The following SMIM35 variants were observed in gnomAD, a reference collection of about 807,000 sequenced individuals.
The protein encoded by SMIM35 is small integral membrane protein 35, also known as TMPRSS4 antisense RNA 1 (non-protein coding).
At chr11:118,063,751 T>C (rs1386728263) in intron 1 of SMIM35, among the ~76,000 whole-genome samples, 4 of 152,124 alleles carry the variant, frequency 2.6e-5, no homozygotes, top group Non-Finnish European at 4.4e-5. Context: ...GAAGTCTCCA[T>C]AAAAGCCTAA....
intron 3 of SMIM35, among the ~76,000 whole-genome samples, chr11:118,014,129 T>C (rs1022106692): frequency 1.3e-5 from 2 of 152,204 alleles, no homozygotes; most frequent in Non-Finnish European, 2.9e-5. Context: ...GATATGCTCT[T>C]CTTTCTGATA....
In SMIM35 at chr11:118,005,476, T is replaced by C. The variant is rs1285576723; in HGVS notation, c.*934A>G. 5.3e-5 allele frequency: 8 copies of C among 152,266 alleles called. No homozygotes were observed. Among genetic ancestry groups the C allele is most frequent in the African/African-American group, 1.9e-4 (8 of 41,436 alleles). 9.4% of individuals were successfully genotyped at this position (152,266 alleles called of 1,614,324 possible). A position where few individuals can be genotyped will look rare whatever the true frequency, so the allele number is the denominator to read the frequency against. On this transcript the variant is annotated 3_prime_UTR_variant, in exon 5 of 5. Coordinates refer to ENST00000689828, the MANE Select transcript of SMIM35 (RefSeq NM_001394165.1). ...CTCTCCAGAACTCTATCCAGCTGCC[T>C]CATCAGCAGCTCCGTCCAGCATACA...
In SMIM35 at chr11:118,009,266, G is replaced by A. The variant is rs1340739718; in HGVS notation, c.*34-2890C>T. ...CTGGAGGGAGGAGTATGTTCTTGGG[G>A]GCCAAGGATGTTAGGATAGCTGCCA... On this transcript the variant is annotated intron_variant, in intron 4 of 4. Coordinates refer to ENST00000689828, the MANE Select transcript of SMIM35 (RefSeq NM_001394165.1). Among the ~76,000 whole-genome samples, 3 of 152,180 alleles carry A rather than the reference G, an allele frequency of 2.0e-5. No homozygotes were observed. The South Asian group carries it at 6.2e-4, about 32-fold the overall frequency.
chr11:118,059,890 C>T (rs182645325), intron 1 of SMIM35, among the ~76,000 whole-genome samples: 1 of 152,346 alleles, frequency 6.6e-6, no homozygotes, highest in African/African-American at 2.4e-5. Context: ...GGATCAGAGG[C>T]CTCCCACTCC....
At chr11:118,008,503 A>G (rs74962344) in intron 4 of SMIM35, among the ~76,000 whole-genome samples, 112 of 152,286 alleles carry the variant, frequency 7.4e-4, no homozygotes, top group African/African-American at 2.5e-3. Flanking sequence ...CCTAGAGGAG[A>G]GAAAAGCTCC....
chr11:118,045,478 G>A (rs1944083892), intron 1 of SMIM35, among the ~76,000 whole-genome samples: 2 of 152,100 alleles, frequency 1.3e-5, no homozygotes, highest in African/African-American at 4.8e-5. Flanking sequence ...GTGGGGTAGG[G>A]AGTAGAAGTA....
chr11:118,049,319 G>C (rs899563806), intron 1 of SMIM35, among the ~76,000 whole-genome samples: 1 of 149,294 alleles, frequency 6.7e-6, no homozygotes, highest in African/African-American at 2.5e-5. Flanking sequence ...TGCAATTCTC[G>C]CATGTTTGTT....
intron 1 of SMIM35, among the ~76,000 whole-genome samples, chr11:118,021,211 A>G (rs2058228288): frequency 6.6e-6 from 1 of 152,150 alleles, no homozygotes; most frequent in Admixed American, 6.5e-5. Flanking sequence ...GAGGTAAAAC[A>G]TTGGAAATTA....
chr11:118,051,315 C>G lies in SMIM35; in HGVS notation c.7+35436G>C, dbSNP rs558493398. Among the ~76,000 whole-genome samples the G allele has an allele frequency of 5.6e-4, 85 of 152,348 alleles. 1 individual carries two copies. The highest frequency in any genetic ancestry group is 3.4e-3 in the Middle Eastern group (1 of 294). On this transcript the variant is annotated intron_variant, in intron 1 of 4. Transcript: ENST00000689828. The stretch of plus-strand genomic sequence containing the variant: ...ACCCACCCCTGGGTCTCCCACAAGC[C>G]AGCTCACTGCCTGGCACACAGGAGC...
intron 1 of SMIM35, among the ~76,000 whole-genome samples, chr11:118,043,336 G>C (rs533454339): frequency 6.6e-6 from 1 of 151,878 alleles, no homozygotes; most frequent in South Asian, 2.1e-4. Context: ...TAAACAGAAT[G>C]TGGTATATCC....
intron 1 of SMIM35, among the ~76,000 whole-genome samples, chr11:118,048,537 A>AAG (rs1944141375): frequency 8.1e-6 from 1 of 122,772 alleles, no homozygotes; most frequent in East Asian, 2.3e-4. Context: ...GAAGAAAGAA[A>AAG]GAAGGAAGGA....
chr11:118,008,036 A>C (rs902029395), intron 4 of SMIM35, among the ~76,000 whole-genome samples: 1 of 151,824 alleles, frequency 6.6e-6, no homozygotes, highest in Non-Finnish European at 1.5e-5. Flanking sequence ...CGCTCGGCTA[A>C]TTTTTGTAGT....
chr11:118,046,294 C>T (rs996332970), intron 1 of SMIM35, among the ~76,000 whole-genome samples: 2 of 152,146 alleles, frequency 1.3e-5, no homozygotes, highest in Admixed American at 1.3e-4. Context: ...GGCTCAGAGT[C>T]GGGCCCCTTT....
intron 1 of SMIM35, among the ~76,000 whole-genome samples, chr11:118,070,304 G>C (rs1431326782): frequency 6.6e-6 from 1 of 152,114 alleles, no homozygotes; most frequent in African/African-American, 2.4e-5. Flanking sequence ...GGGCTCCCCA[G>C]TAACTGGGAT....
intron 1 of SMIM35, among the ~76,000 whole-genome samples, chr11:118,020,435 G>A (rs1237520236): frequency 6.6e-6 from 1 of 152,186 alleles, no homozygotes; most frequent in East Asian, 1.9e-4. Flanking sequence ...ATTAGAATTT[G>A]ATTGAGATAA....
intron 1 of SMIM35, among the ~76,000 whole-genome samples, chr11:118,033,219 G>T (rs2058332079): frequency 6.6e-6 from 1 of 152,152 alleles, no homozygotes; most frequent in South Asian, 2.1e-4. Flanking sequence ...CGATTAACAA[G>T]GATTCTAGAA....
intron 2 of SMIM35, among the ~76,000 whole-genome samples, chr11:118,014,981 T>A (rs2058171917): frequency 6.6e-6 from 1 of 152,220 alleles, no homozygotes; most frequent in Admixed American, 6.5e-5. Flanking sequence ...CAGCTTGGAT[T>A]CAGACTCCAC....
intron 1 of SMIM35, among the ~76,000 whole-genome samples, chr11:118,031,354 T>C (rs1295896292): frequency 6.6e-6 from 1 of 152,098 alleles, no homozygotes; most frequent in Non-Finnish European, 1.5e-5. Context: ...GGAACCAGGG[T>C]CCCTTGGAGA....
chr11:118,010,288 G>T (rs2058143450), intron 4 of SMIM35, among the ~76,000 whole-genome samples: 1 of 152,144 alleles, frequency 6.6e-6, no homozygotes, highest in African/African-American at 2.4e-5. Flanking sequence ...TGCCCTCCTG[G>T]CTCCTGGCAC....
Sources: gnomAD v4.1 joint callset for allele counts (sites outside exome capture counted in the v4.1 genomes callset) on GRCh38, gnomAD v4.1.1 for gene constraint, MANE v1.5 for transcripts, NCBI Gene and HGNC (gene_info 2026-07-23, HGNC 2026-07-21) for gene names.